Variants in BBS9 observed in about 807,000 individuals in gnomAD.
The protein encoded by BBS9 is Bardet-Biedl syndrome 9.
In BBS9, 89 loss-of-function variants were observed where a neutral mutation model predicts 117.7. The ratio of observed to expected loss-of-function variants is 0.76; its 90% confidence interval spans 0.64 to 0.90. BBS9 has a LOEUF of 0.90. BBS9 is among the 40% of genes least tolerant of loss of function. BBS9 has a pLI of 0.00. For synonymous variants in BBS9, 379 were observed against 370.9 expected (o/e 1.02, Z -0.25); for missense variants, 982 against 1,042.2 (o/e 0.94, Z 0.80).
intron 7 of BBS9, among the ~76,000 whole-genome samples, chr7:33,266,916 TG>T (rs1226526543): frequency 1.3e-5 from 2 of 152,136 alleles, no homozygotes; most frequent in African/African-American, 4.8e-5. Flanking sequence ...CTAATTTTTT[TG>T]TATTTTTAGT....
At chr7:33,577,730 G>GTT (rs1859164990) in intron 21 of BBS9, among the ~76,000 whole-genome samples, 1 of 152,098 alleles carries the variant, frequency 6.6e-6, no homozygotes, top group Admixed American at 6.6e-5. Flanking sequence ...CCATAAAAAA[G>GTT]GATAAGATCA....
At chr7:33,380,962 C>T (rs995163310) in intron 17 of BBS9, 2 of 152,164 alleles carry the variant, frequency 1.3e-5, no homozygotes, top group African/African-American at 4.8e-5. Flanking sequence ...GGTACAAGAT[C>T]TGAGACAGGT....
At chr7:33,571,399 G>A (rs947865825) in intron 21 of BBS9, among the ~76,000 whole-genome samples, 1 of 151,986 alleles carries the variant, frequency 6.6e-6, no homozygotes, top group African/African-American at 2.4e-5. Context: ...GAAGAAAATG[G>A]GAGGACAACT....
chr7:33,189,550 T>G (rs1224441778), intron 5 of BBS9, among the ~76,000 whole-genome samples: 1 of 152,024 alleles, frequency 6.6e-6, no homozygotes, highest in Non-Finnish European at 1.5e-5. Context: ...AAATTATCAC[T>G]ATTACACCAC....
intron 19 of BBS9, among the ~76,000 whole-genome samples, chr7:33,471,578 A>G (rs1841043014): frequency 6.6e-6 from 1 of 152,186 alleles, no homozygotes; most frequent in African/African-American, 2.4e-5. Flanking sequence ...CATTCTCATT[A>G]GTGACAGAAG....
chr7:33,379,942 C>G (rs982458968), intron 17 of BBS9: 1 of 152,326 alleles, frequency 6.6e-6, no homozygotes, highest in African/African-American at 2.4e-5. Context: ...GGTATTCCTG[C>G]AGGATCTCCA....
intron 21 of BBS9, among the ~76,000 whole-genome samples, chr7:33,537,986 T>G (rs1486824614): frequency 1.3e-5 from 2 of 152,188 alleles, no homozygotes; most frequent in African/African-American, 4.8e-5. Context: ...TATAGATAAG[T>G]GACGGCCCAT....
intron 21 of BBS9, among the ~76,000 whole-genome samples, chr7:33,598,725 CA>C (rs1333556554): frequency 1.3e-5 from 2 of 152,134 alleles, no homozygotes; most frequent in African/African-American, 4.8e-5. Flanking sequence ...CACAGTTGGG[CA>C]AAAACTATGC....
intron 17 of BBS9, among the ~76,000 whole-genome samples, chr7:33,381,734 G>T (rs1415862331): frequency 6.6e-6 from 1 of 152,146 alleles, no homozygotes; most frequent in Non-Finnish European, 1.5e-5. Context: ...AATAAGACTG[G>T]GGTGAAGGGA....
chr7:33,363,650 C>G (rs1315177978), intron 16 of BBS9, among the ~76,000 whole-genome samples: 1 of 151,308 alleles, frequency 6.6e-6, no homozygotes, highest in East Asian at 1.9e-4. Flanking sequence ...TGTCTTTCAC[C>G]ATTAAGTATG....
At chr7:33,480,046 C>G (rs1338928770) in intron 19 of BBS9, among the ~76,000 whole-genome samples, 2 of 152,098 alleles carry the variant, frequency 1.3e-5, no homozygotes, top group African/African-American at 4.8e-5. Context: ...AGCTTGTTGA[C>G]TTTTTGCCTA....
chr7:33,303,500 A>G (rs1806936782), intron 9 of BBS9, among the ~76,000 whole-genome samples: 1 of 137,178 alleles, frequency 7.3e-6, no homozygotes. Context: ...TGCTTTTTTT[A>G]GTATCAACTG....
At chr7:33,185,325 C>T (rs1394489635) in intron 5 of BBS9, among the ~76,000 whole-genome samples, 2 of 152,072 alleles carry the variant, frequency 1.3e-5, no homozygotes, top group African/African-American at 4.8e-5. Flanking sequence ...ACGGTGGAGT[C>T]GCTTTGGTTC....
chr7:33,202,432 A>G (rs1192754088), intron 5 of BBS9, among the ~76,000 whole-genome samples: 1 of 152,222 alleles, frequency 6.6e-6, no homozygotes, highest in Non-Finnish European at 1.5e-5. Flanking sequence ...TGAGCCATTT[A>G]CTATTATACA....
At chr7:33,199,763 A>G (rs116182326) in intron 5 of BBS9, among the ~76,000 whole-genome samples, 337 of 151,936 alleles carry the variant, frequency 2.2e-3, no homozygotes, top group African/African-American at 8.0e-3. Context: ...AAAAATAAGG[A>G]TGAAGTTTTT....
intron 4 of BBS9, among the ~76,000 whole-genome samples, chr7:33,171,874 A>G (rs1651517483): frequency 6.6e-6 from 1 of 152,122 alleles, no homozygotes; most frequent in Non-Finnish European, 1.5e-5. Context: ...GGTGCCAAGT[A>G]GCCTCATGGT....
chr7:33,465,989 C>T (rs749244956), intron 19 of BBS9, among the ~76,000 whole-genome samples: 12 of 151,946 alleles, frequency 7.9e-5, no homozygotes, highest in Non-Finnish European at 1.3e-4. Flanking sequence ...TAGTCTTTGT[C>T]CCCCAGCTTT....
At chr7:33,368,616 A>ACACACACC (rs996468631) in intron 17 of BBS9, among the ~76,000 whole-genome samples, 9 of 145,694 alleles carry the variant, frequency 6.2e-5, no homozygotes, top group African/African-American at 2.4e-4. Context: ...ACACACACAC[A>ACACACACC]CCCATACCCC....
At chr7:33,263,424 G>A (rs556778898) in intron 6 of BBS9, among the ~76,000 whole-genome samples, 3 of 152,182 alleles carry the variant, frequency 2.0e-5, no homozygotes, top group African/African-American at 7.2e-5. Context: ...GTTGCTTTAT[G>A]TACAGTAGGA....
Sources: allele counts gnomAD v4.1 joint callset (sites outside exome capture counted in the v4.1 genomes callset), GRCh38; gene constraint gnomAD v4.1.1; transcripts MANE v1.5; gene names NCBI Gene and HGNC (gene_info 2026-07-23, HGNC 2026-07-21).